RABGAP1L: variants seen among roughly 807,000 people sequenced by gnomAD.
The protein encoded by RABGAP1L is RAB GTPase activating protein 1 like.
RABGAP1L carries 63 observed loss-of-function variants against 137.7 expected under a neutral mutation model. The observed-to-expected ratio is 0.46, with a 90% CI of 0.37 to 0.56. The LOEUF is 0.56. Ranked by LOEUF, RABGAP1L falls within the 20% of genes least tolerant of loss-of-function variation. The pLI, the probability that RABGAP1L is intolerant of heterozygous loss-of-function variation, is 0.00. For missense variants in RABGAP1L, 1,095 were observed against 1,244.0 expected, an observed-to-expected ratio of 0.88 and a Z score of 1.80; for synonymous variants, 431 against 433.7, an observed-to-expected ratio of 0.99 and a Z score of 0.08.
chr1:174,714,792 C>G (rs934605051), intron 17 of RABGAP1L, among the ~76,000 whole-genome samples: 3 of 152,130 alleles, frequency 2.0e-5, no homozygotes, highest in South Asian at 4.1e-4. Context: ...TCCCCTCTTT[C>G]CTGACCTACC....
chr1:174,799,053 T>C (rs1573246510), intron 18 of RABGAP1L, among the ~76,000 whole-genome samples: 1 of 152,222 alleles, frequency 6.6e-6, no homozygotes, highest in East Asian at 1.9e-4. Context: ...CAGAACAATG[T>C]TTTCAACTAT....
intron 19 of RABGAP1L, among the ~76,000 whole-genome samples, chr1:174,883,147 A>G (rs1409459601): frequency 2.0e-5 from 3 of 152,178 alleles, no homozygotes; most frequent in Non-Finnish European, 1.5e-5. Context: ...TTAAAGTTAC[A>G]CAGTTCTCAG....
intron 17 of RABGAP1L, among the ~76,000 whole-genome samples, chr1:174,719,391 A>G (rs1681302294): frequency 6.6e-6 from 1 of 152,212 alleles, no homozygotes; most frequent in African/African-American, 2.4e-5. Flanking sequence ...CTCGATATCA[A>G]ATAGTACTTT....
chr1:174,681,928 T>C (rs1005563440), intron 14 of RABGAP1L, among the ~76,000 whole-genome samples: 2 of 152,188 alleles, frequency 1.3e-5, no homozygotes, highest in African/African-American at 4.8e-5. Flanking sequence ...ATAGATGGAA[T>C]ACATGGGATG....
chr1:174,705,424 C>T (rs1572866767), intron 17 of RABGAP1L: 2 of 152,172 alleles, frequency 1.3e-5, no homozygotes, highest in South Asian at 4.1e-4. Flanking sequence ...CACTTGTCAA[C>T]TGTGACTTAC....
intron 1 of RABGAP1L, among the ~76,000 whole-genome samples, chr1:174,181,515 T>C (rs766943187): frequency 5.3e-5 from 8 of 151,938 alleles, no homozygotes; most frequent in Non-Finnish European, 1.2e-4. Flanking sequence ...TTTTTTGTAT[T>C]TTTAGTAGAG....
At chr1:174,793,870 T>A (rs1328580428) in intron 18 of RABGAP1L, among the ~76,000 whole-genome samples, 1 of 152,168 alleles carries the variant, frequency 6.6e-6, no homozygotes, top group Non-Finnish European at 1.5e-5. Flanking sequence ...CTAATTTTTG[T>A]ATTTTTAGTA....
At chr1:174,750,120 C>T (rs574897501) in intron 17 of RABGAP1L, among the ~76,000 whole-genome samples, 1 of 152,254 alleles carries the variant, frequency 6.6e-6, no homozygotes, top group Admixed American at 6.5e-5. Context: ...CCGCCTGCCT[C>T]GGTCTCCCAA....
chr1:174,829,142 C>A (rs1691858471), intron 19 of RABGAP1L, among the ~76,000 whole-genome samples: 2 of 147,728 alleles, frequency 1.4e-5, no homozygotes, highest in African/African-American at 4.9e-5. Flanking sequence ...CCTGAACCAA[C>A]ACCTAGCATA....
chr1:174,200,622 T>C (rs1668027409), intron 1 of RABGAP1L, among the ~76,000 whole-genome samples: 1 of 152,234 alleles, frequency 6.6e-6, no homozygotes, highest in Non-Finnish European at 1.5e-5. Flanking sequence ...ATATTTAGTT[T>C]ATGCCACTTT....
intron 18 of RABGAP1L, among the ~76,000 whole-genome samples, chr1:174,777,616 T>C (rs1298078791): frequency 6.6e-6 from 1 of 152,206 alleles, no homozygotes; most frequent in Non-Finnish European, 1.5e-5. Flanking sequence ...CTAGATTTTA[T>C]AATTGGCAGA....
intron 14 of RABGAP1L, among the ~76,000 whole-genome samples, chr1:174,664,722 T>TCTG (rs1406125607): frequency 4.2e-5 from 6 of 143,204 alleles, no homozygotes; most frequent in African/African-American, 1.7e-4. Context: ...TTTCTTTCTT[T>TCTG]CTTTCTGCTT....
Position 174,241,576 on chromosome 1 carries a change from C to T in RABGAP1L, c.636C>T (p.Ser212=). Residue 212 remains serine (S), a synonymous_variant, in exon 5 of 26, where the codon AGC becomes AGT. Coordinates refer to ENST00000681986, the MANE Select transcript of RABGAP1L (RefSeq NM_001366446.1). ...GTGGACATGACGGAACAACAGAGAG[C>T]AATTGCTTTGCATTTACAGAGAGTT... ...CARGHDGTTE[S]NCFAFTESSH... 6.2e-7 allele frequency: 1 copy of T among 1,613,476 alleles called. No individual in the cohort carries two copies. Among genetic ancestry groups the T allele is most frequent in the Non-Finnish European group, 8.5e-7 (1 of 1,179,568 alleles).
chr1:174,636,456 A>T (rs1484379816), intron 13 of RABGAP1L, among the ~76,000 whole-genome samples: 1 of 149,812 alleles, frequency 6.7e-6, no homozygotes, highest in African/African-American at 2.5e-5. Flanking sequence ...TGAACCCGGG[A>T]GGCGGAGGTT....
At chr1:174,314,704 T>C (rs75766617) in intron 11 of RABGAP1L, among the ~76,000 whole-genome samples, 6,936 of 152,284 alleles carry the variant, frequency 0.046, 232 homozygotes, top group Middle Eastern at 0.095. Context: ...TAATCATTTA[T>C]TTCACGAAAT....
At chr1:174,356,574 A>AT (rs888700355) in intron 11 of RABGAP1L, among the ~76,000 whole-genome samples, 28 of 150,652 alleles carry the variant, frequency 1.9e-4, no homozygotes, top group Middle Eastern at 3.4e-3. Context: ...TAGAAACACA[A>AT]TTTTTTTTTT....
At chr1:174,192,920 A>G (rs1397190001) in intron 1 of RABGAP1L, among the ~76,000 whole-genome samples, 1 of 152,186 alleles carries the variant, frequency 6.6e-6, no homozygotes, top group Admixed American at 6.5e-5. Flanking sequence ...ACAAAGTGAG[A>G]TTGATTTGGT....
chr1:174,946,925 T>A (rs1464948898), intron 19 of RABGAP1L, among the ~76,000 whole-genome samples: 2,348 of 57,108 alleles, frequency 0.041, 185 homozygotes, highest in African/African-American at 0.066. Context: ...AAAATATATA[T>A]ATATATATAT....
At chr1:174,864,917 G>C (rs996387149) in intron 19 of RABGAP1L, among the ~76,000 whole-genome samples, 3 of 152,104 alleles carry the variant, frequency 2.0e-5, no homozygotes, top group Non-Finnish European at 4.4e-5. Flanking sequence ...AAGGGTTTGA[G>C]ACCAGCCCGG....
Sources: gnomAD v4.1 joint callset for allele counts (sites outside exome capture counted in the v4.1 genomes callset) on GRCh38, gnomAD v4.1.1 for gene constraint, MANE v1.5 for transcripts, NCBI Gene and HGNC (gene_info 2026-07-23, HGNC 2026-07-21) for gene names.